The following MRO variants were observed in gnomAD, a reference collection of about 807,000 sequenced individuals.
MRO encodes the protein protein maestro.
In MRO, 28 loss-of-function variants were observed where a neutral mutation model predicts 31.0. That is an observed-to-expected ratio of 0.90 (90% CI 0.67 to 1.24). MRO has a LOEUF of 1.24. MRO is among the 50% of genes most tolerant of loss of function. The pLI is 0.00. For missense variants in MRO, 332 were observed against 289.2 expected (o/e 1.15, Z -1.07); for synonymous variants, 108 against 108.4 (o/e 1.00, Z 0.02).
intron 2 of MRO, among the ~76,000 whole-genome samples, chr18:50,817,453 A>G (rs1915023340): frequency 6.6e-6 from 1 of 152,010 alleles, no homozygotes; most frequent in South Asian, 2.1e-4. Context: ...TGATTGCGCC[A>G]CTGCACTCCA....
chr18:50,809,144 C>CAAAAAAAAA (rs61728184), intron 3 of MRO, among the ~76,000 whole-genome samples, 158 bp downstream of exon 3: 3,274 of 98,934 alleles, frequency 0.033, 457 homozygotes, highest in Non-Finnish European at 0.052. Flanking sequence ...GACTCCGTCT[C>CAAAAAAAAA]AAAAAAAAAA....
intron 2 of MRO, among the ~76,000 whole-genome samples, chr18:50,812,144 A>G (rs952129718): frequency 6.6e-6 from 1 of 152,094 alleles, no homozygotes; most frequent in Non-Finnish European, 1.5e-5. Context: ...GAGGGTTCCA[A>G]TTTCTCCACA....
At chr18:50,800,576 C>A (rs957639844) in intron 6 of MRO, among the ~76,000 whole-genome samples, 2 of 152,124 alleles carry the variant, frequency 1.3e-5, no homozygotes, top group Non-Finnish European at 2.9e-5. Context: ...ACAAAACTAC[C>A]AGAAGAAATT....
intron 2 of MRO, among the ~76,000 whole-genome samples, chr18:50,817,982 T>C (rs2144672918): frequency 6.8e-6 from 1 of 147,800 alleles, no homozygotes; most frequent in East Asian, 2.0e-4. Flanking sequence ...TGCAGCTTCT[T>C]AAAGAACTCC....
chr18:50,809,641 C>T (rs1010076729), intron 2 of MRO, among the ~76,000 whole-genome samples: 7 of 152,178 alleles, frequency 4.6e-5, no homozygotes, highest in African/African-American at 1.7e-4. Context: ...TAGTTCCCCA[C>T]TCCATTCTGC....
At position 50,795,300 on chromosome 18, in the gene MRO, C is replaced by T. The variant is rs1193868489; in HGVS notation, c.*4037G>A. On this transcript the variant is annotated 3_prime_UTR_variant, in exon 8 of 8. Coordinates refer to ENST00000398439, the MANE Select transcript of MRO (RefSeq NM_031939.6). ...CATATATATCACTTACACTCATGGA[C>T]TTTTTTTTCATTTTAAAAGGGCATT... 6.6e-6 allele frequency: 1 copy of T among 152,004 alleles called. No homozygotes were observed. The highest frequency in any genetic ancestry group is 1.5e-5 in the Non-Finnish European group (1 of 68,000). 9.4% of individuals were successfully genotyped at this position (152,004 alleles called of 1,614,324 possible).
At chr18:50,800,870 G>T (rs1360829517) in intron 6 of MRO, among the ~76,000 whole-genome samples, 1 of 120,368 alleles carries the variant, frequency 8.3e-6, no homozygotes, top group Non-Finnish European at 1.7e-5. Flanking sequence ...TGGGCAACAA[G>T]AGCAAAACTG....
chr18:50,818,063 A>G (rs16952555), intron 2 of MRO, among the ~76,000 whole-genome samples: 3,997 of 144,334 alleles, frequency 0.028, 164 homozygotes, highest in African/African-American at 0.097. Flanking sequence ...AGTCCTTTAC[A>G]CCCAATCCAA....
chr18:50,816,279 T>C (rs1914912119), intron 2 of MRO: 1 of 152,466 alleles, frequency 6.6e-6, no homozygotes, highest in African/African-American at 2.4e-5. Context: ...CTATTGATAA[T>C]GCAATGTAGC....
At chr18:50,822,687 T>C (rs1006536821), upstream of MRO, among the ~76,000 whole-genome samples, 3 of 135,214 alleles carry the variant, frequency 2.2e-5, no homozygotes, top group Non-Finnish European at 4.8e-5. Flanking sequence ...AGGAAATACA[T>C]CCCCCGCCCC....
intron 7 of MRO, 24 bp from the exon 8 acceptor site, chr18:50,799,414 G>C (rs138243751): frequency 1.2e-6 from 2 of 1,609,016 alleles, no homozygotes; most frequent in Non-Finnish European, 1.7e-6. Flanking sequence ...GCAAAGGTAC[G>C]CGTGAGGGCA....
chr18:50,800,503 C>A (rs769596533), intron 6 of MRO, among the ~76,000 whole-genome samples: 2 of 152,200 alleles, frequency 1.3e-5, no homozygotes, highest in Non-Finnish European at 2.9e-5. Flanking sequence ...CACCAAGTCC[C>A]ACTCCAAAGC....
intron 2 of MRO, among the ~76,000 whole-genome samples, chr18:50,810,252 T>C (rs761314092): frequency 1.3e-5 from 2 of 152,202 alleles, no homozygotes; most frequent in Non-Finnish European, 2.9e-5. Flanking sequence ...CAGCCAATGG[T>C]TTGAACATAA....
At position 50,811,375 on chromosome 18, in the gene MRO, C is replaced by A. The variant is rs562165272; in HGVS notation, c.-4-1971G>T. 3.3e-5 allele frequency among the ~76,000 whole-genome samples: 5 copies of A among 152,352 alleles called. No individual in the cohort carries two copies. The South Asian group carries it at 1.0e-3, about 32-fold the overall frequency. On this transcript the variant is annotated intron_variant, in intron 2 of 7. Coordinates refer to ENST00000398439, the MANE Select transcript of MRO (RefSeq NM_031939.6). The stretch of plus-strand genomic sequence containing the variant: ...CATTCCATATTCCATCCTCCCCCAG[C>A]CTCAGGCAATGTTAATCTGCCTTCT...
chr18:50,802,720 GTT>G (rs1161551420), intron 5 of MRO, among the ~76,000 whole-genome samples: 1 of 145,248 alleles, frequency 6.9e-6, no homozygotes. Context: ...GTTTTTTTTT[GTT>G]TTTGTTTTTG....
At position 50,797,897 on chromosome 18, in the gene MRO, G is replaced by A. The variant is rs1365027683; in HGVS notation, c.*1440C>T. The A allele has an allele frequency of 6.6e-6, 1 of 152,418 alleles. No individual in the cohort carries two copies. The highest frequency in any genetic ancestry group is 1.5e-5 in the Non-Finnish European group (1 of 68,094). 9.4% of individuals were successfully genotyped at this position (152,418 alleles called of 1,614,324 possible). A position where few individuals can be genotyped will look rare whatever the true frequency, so the allele number is the denominator to read the frequency against. ...GAAAATCCATTCCTGCCTGGCACTT[G>A]CCACTCTGTCTGCCATCTCCCACAT... On this transcript the variant is annotated 3_prime_UTR_variant, in exon 8 of 8. Coordinates refer to ENST00000398439, the MANE Select transcript of MRO (RefSeq NM_031939.6).
At chr18:50,817,104 CT>C (rs1273223591) in intron 2 of MRO, among the ~76,000 whole-genome samples, 2 of 152,188 alleles carry the variant, frequency 1.3e-5, no homozygotes, top group East Asian at 3.9e-4. Context: ...TAAATGAGAA[CT>C]GAGTGGCTCC....
At chr18:50,817,673 C>T (rs1313797261) in intron 2 of MRO, among the ~76,000 whole-genome samples, 1 of 151,952 alleles carries the variant, frequency 6.6e-6, no homozygotes, top group Non-Finnish European at 1.5e-5. Context: ...TAAAGCTAAT[C>T]CGAGCCCATG....
Position 50,806,954 on chromosome 18 carries a change from A to T in MRO, c.100-104T>A, listed in dbSNP as rs113418846. The T allele has an allele frequency of 5.2e-4, 604 of 1,161,692 alleles. 1 individual carries two copies. In the African/African-American group the frequency reaches 6.9e-3, roughly 13 times the overall value. 72.0% of individuals were successfully genotyped at this position (1,161,692 alleles called of 1,614,324 possible). A position where few individuals can be genotyped will look rare whatever the true frequency, so the allele number is the denominator to read the frequency against. On this transcript the variant is annotated intron_variant, in intron 3 of 7. Coordinates refer to ENST00000398439, the MANE Select transcript of MRO (RefSeq NM_031939.6). ...AGAAAATCCCGTGATTGCCTGCTCA[A>T]TTTTACCCCTTCTTTCTCCTACTAA...
Sources: gnomAD v4.1 joint callset for allele counts (sites outside exome capture counted in the v4.1 genomes callset) on GRCh38, gnomAD v4.1.1 for gene constraint, MANE v1.5 for transcripts, NCBI Gene and HGNC (gene_info 2026-07-23, HGNC 2026-07-21) for gene names.